The following KLF12 variants were observed in gnomAD, a reference collection of about 807,000 sequenced individuals.
KLF12 encodes the protein KLF transcription factor 12.
A neutral mutation model predicts 37.8 loss-of-function variants in KLF12; 9 were observed. The ratio of observed to expected loss-of-function variants is 0.24; its 90% CI spans 0.14 to 0.42. The LOEUF is 0.42. Among genes scored for constraint, KLF12 ranks in the 10% least tolerant of loss-of-function variants. The probability of loss-of-function intolerance (pLI) is 1.00; values close to 1 mark genes in which losing one functional copy is unlikely to be tolerated. For missense variants in KLF12, 411 were observed against 516.0 expected (o/e 0.80, Z 1.97); for synonymous variants, 208 against 202.1 (o/e 1.03, Z -0.25).
At chr13:73,803,643 T>G (rs188166521) in intron 5 of KLF12, among the ~76,000 whole-genome samples, 33 of 152,232 alleles carry the variant, frequency 2.2e-4, no homozygotes, top group Non-Finnish European at 4.1e-4. Context: ...TCAGTGATTT[T>G]TGTCTATTTT....
chr13:74,154,044 G>A, the KLF12 span, among the ~76,000 whole-genome samples: 8 of 149,940 alleles, frequency 5.3e-5, no homozygotes, highest in East Asian at 1.2e-3. Context: ...TGGACAACAC[G>A]GTGAAACCCC....
chr13:73,794,321 C>A (rs59362917), intron 5 of KLF12, among the ~76,000 whole-genome samples: 1 of 152,060 alleles, frequency 6.6e-6, no homozygotes, highest in East Asian at 1.9e-4. Context: ...ATTAGCCAGG[C>A]GTGATGGTAT....
intron 3 of KLF12, among the ~76,000 whole-genome samples, chr13:73,856,617 A>G (rs1004796055): frequency 6.6e-6 from 1 of 152,000 alleles, no homozygotes; most frequent in African/African-American, 2.4e-5. Context: ...TCCATTCAAC[A>G]TCTATCCCTA....
intron 6 of KLF12, among the ~76,000 whole-genome samples, chr13:73,734,824 A>G (rs1444368649): frequency 6.6e-6 from 1 of 152,216 alleles, no homozygotes; most frequent in Non-Finnish European, 1.5e-5. Context: ...ACTAAGGCTC[A>G]CGAAAGGTAC....
At chr13:74,167,547 G>A in the KLF12 span, among the ~76,000 whole-genome samples, 197 of 152,280 alleles carry the variant, frequency 1.3e-3, no homozygotes, top group African/African-American at 4.5e-3. Context: ...GAAATGAAAC[G>A]TTAGCAAAGA....
chr13:74,096,676 C>T (rs1201346218), intron 1 of KLF12, among the ~76,000 whole-genome samples: 4 of 152,108 alleles, frequency 2.6e-5, no homozygotes, highest in Admixed American at 6.5e-5. Context: ...TGTCATTTTC[C>T]TTTTATCCTT....
chr13:73,987,169 G>C (rs767317036), intron 2 of KLF12, among the ~76,000 whole-genome samples: 1 of 151,908 alleles, frequency 6.6e-6, no homozygotes, highest in Non-Finnish European at 1.5e-5. Flanking sequence ...CTGATTACGT[G>C]TAAGACACAA....
At chr13:73,915,188 CT>C in intron 3 of KLF12, among the ~76,000 whole-genome samples, 1 of 152,294 alleles carries the variant, frequency 6.6e-6, no homozygotes, top group African/African-American at 2.4e-5. Context: ...GTAGCCAAAT[CT>C]TTTCCTGCTT....
chr13:74,225,201 C>T, the KLF12 span, among the ~76,000 whole-genome samples: 1 of 152,122 alleles, frequency 6.6e-6, no homozygotes, highest in Non-Finnish European at 1.5e-5. Flanking sequence ...ATGTATGTAG[C>T]CTTCTCTCCC....
the KLF12 span, among the ~76,000 whole-genome samples, chr13:74,226,630 A>G: frequency 6.6e-6 from 1 of 152,194 alleles, no homozygotes; most frequent in Non-Finnish European, 1.5e-5. Flanking sequence ...TTTATCTTCT[A>G]TCTGCCTTCA....
chr13:73,740,984 A>G (rs1440356719), intron 6 of KLF12, among the ~76,000 whole-genome samples: 1 of 152,210 alleles, frequency 6.6e-6, no homozygotes, highest in Non-Finnish European at 1.5e-5. Context: ...AGCAAAAGCA[A>G]AACAGAAGAC....
At chr13:73,953,769 C>A (rs1226325549) in intron 2 of KLF12, among the ~76,000 whole-genome samples, 1 of 151,806 alleles carries the variant, frequency 6.6e-6, no homozygotes, top group Non-Finnish European at 1.5e-5. Flanking sequence ...TCCTGCATAG[C>A]CTGGAAAAAA....
intron 1 of KLF12, among the ~76,000 whole-genome samples, chr13:74,008,824 G>A (rs1424061350): frequency 2.0e-5 from 3 of 152,192 alleles, no homozygotes; most frequent in Non-Finnish European, 4.4e-5. Context: ...CTGCACTGAT[G>A]AATTCATAAA....
chr13:74,091,175 T>A (rs1300650096), intron 1 of KLF12, among the ~76,000 whole-genome samples: 2 of 152,128 alleles, frequency 1.3e-5, no homozygotes, highest in African/African-American at 4.8e-5. Flanking sequence ...GAAATCCACA[T>A]GCAAAAGAAT....
intron 5 of KLF12, among the ~76,000 whole-genome samples, chr13:73,810,216 G>A (rs1345910868): frequency 1.3e-5 from 2 of 152,044 alleles, no homozygotes; most frequent in East Asian, 3.9e-4. Flanking sequence ...CTGCACTCCA[G>A]CATGGGTGAC....
At chr13:73,849,275 A>AAGGTGAGGCAGAAGAATCGCTTGAACCC (rs1885188445) in intron 3 of KLF12, among the ~76,000 whole-genome samples, 1 of 151,290 alleles carries the variant, frequency 6.6e-6, no homozygotes, top group Non-Finnish European at 1.5e-5. Context: ...GCTACTCAGG[A>AAGGTGAGGCAGAAGAATCGCTTGAACCC]AGGTGAGGCA....
At chr13:74,250,348 T>C in the KLF12 span, among the ~76,000 whole-genome samples, 4 of 152,168 alleles carry the variant, frequency 2.6e-5, no homozygotes, top group Admixed American at 6.5e-5. Context: ...CACAGATATC[T>C]TGAAATCATG....
intron 6 of KLF12, among the ~76,000 whole-genome samples, chr13:73,729,577 C>T (rs1181183771): frequency 6.6e-6 from 1 of 152,182 alleles, no homozygotes; most frequent in Non-Finnish European, 1.5e-5. Context: ...ACTCCTCTTC[C>T]TACATTTCAT....
At chr13:74,072,324 TCTA>T (rs1401019357) in intron 1 of KLF12, among the ~76,000 whole-genome samples, 1 of 141,170 alleles carries the variant, frequency 7.1e-6, no homozygotes, top group Non-Finnish European at 1.5e-5. Context: ...CTCCTAAATG[TCTA>T]CTATTTCCAA....
Sources: allele counts gnomAD v4.1 joint callset (sites outside exome capture counted in the v4.1 genomes callset), GRCh38; gene constraint gnomAD v4.1.1; transcripts MANE v1.5; gene names NCBI Gene and HGNC (gene_info 2026-07-23, HGNC 2026-07-21).